FHIT: variants seen among roughly 807,000 people sequenced by gnomAD.
The protein encoded by FHIT is fragile histidine triad diadenosine triphosphatase, also known as bis(5'-adenosyl)-triphosphatase.
FHIT carries 19 observed loss-of-function variants against 17.9 expected under a neutral mutation model. The observed-to-expected ratio is 1.06, with a 90% CI of 0.74 to 1.56. The LOEUF is 1.56. Among genes scored for constraint, FHIT ranks in the 40% most tolerant of loss-of-function variants. The pLI is 0.00. For missense variants in FHIT, 248 were observed against 189.2 expected, an observed-to-expected ratio of 1.31 and a Z score of -1.82; for synonymous variants, 81 against 69.7, an observed-to-expected ratio of 1.16 and a Z score of -0.81.
chr3:60,406,380 G>C (rs1274391937), intron 5 of FHIT, among the ~76,000 whole-genome samples: 15 of 152,128 alleles, frequency 9.9e-5, no homozygotes, highest in Admixed American at 9.8e-4. Flanking sequence ...CCTCTCTTCA[G>C]ACAAAATACA....
chr3:59,984,308 GAAGT>G (rs982481440), intron 7 of FHIT, among the ~76,000 whole-genome samples: 1 of 152,018 alleles, frequency 6.6e-6, no homozygotes, highest in African/African-American at 2.4e-5. Context: ...GGGAGAAGTG[GAAGT>G]AAGACAGGGG....
At chr3:61,062,540 T>C (rs2034464035) in intron 2 of FHIT, among the ~76,000 whole-genome samples, 1 of 152,042 alleles carries the variant, frequency 6.6e-6, no homozygotes, top group Non-Finnish European at 1.5e-5. Context: ...AAGAATAGAA[T>C]AAAAAAAGAG....
chr3:60,819,214 C>T (rs1294711386), intron 4 of FHIT, among the ~76,000 whole-genome samples: 1 of 152,096 alleles, frequency 6.6e-6, no homozygotes, highest in Non-Finnish European at 1.5e-5. Flanking sequence ...TCCGTCCATT[C>T]CCTCATTTAG....
At chr3:60,969,887 C>G (rs956798374) in intron 3 of FHIT, among the ~76,000 whole-genome samples, 1 of 152,124 alleles carries the variant, frequency 6.6e-6, no homozygotes, top group African/African-American at 2.4e-5. Context: ...TGTTTTCAGA[C>G]AGGGTCTCCC....
rs140889391 is a variant in FHIT at position 60,496,972 on chromosome 3, C to CAA, written c.103+39886_103+39887dup. Among the ~76,000 whole-genome samples, 365 of 150,596 alleles carry CAA rather than the reference C, an allele frequency of 2.4e-3. 3 individuals are homozygous for CAA. The highest frequency in any genetic ancestry group is 0.02 in the Middle Eastern group (6 of 294). ...ATTAAAAACAAATAAAAACAAAAAA[C>CAA]AAAAAAAAACATGCAAACCTAAGCA... On this transcript the variant is annotated intron_variant, in intron 5 of 9. Transcript: ENST00000492590.
intron 5 of FHIT, among the ~76,000 whole-genome samples, chr3:60,127,127 C>T (rs41397044): frequency 0.28 from 43,046 of 151,946 alleles, 6,366 homozygotes; most frequent in African/African-American, 0.31. Flanking sequence ...ACAAGCGATC[C>T]CATCTAGATT....
chr3:61,074,556 G>A (rs1294795804), intron 2 of FHIT, among the ~76,000 whole-genome samples: 4 of 152,054 alleles, frequency 2.6e-5, no homozygotes, highest in East Asian at 3.9e-4. Context: ...TGACCCTACC[G>A]GCACCACACT....
intron 2 of FHIT, among the ~76,000 whole-genome samples, chr3:61,145,334 AATC>A (rs943919661): frequency 6.6e-6 from 1 of 152,116 alleles, no homozygotes; most frequent in Admixed American, 6.5e-5. Context: ...TTTAGTTAAA[AATC>A]AATTGACCAT....
At chr3:59,939,055 A>G (rs1706380236) in intron 7 of FHIT, among the ~76,000 whole-genome samples, 1 of 152,222 alleles carries the variant, frequency 6.6e-6, no homozygotes, top group South Asian at 2.1e-4. Context: ...CTGCTAAAGC[A>G]ATAACAATAA....
intron 4 of FHIT, among the ~76,000 whole-genome samples, chr3:60,569,749 A>T (rs1331736030): frequency 0.012 from 755 of 62,738 alleles, 23 homozygotes; most frequent in Middle Eastern, 0.031. Flanking sequence ...ATATATATAT[A>T]TATATATTTT....
chr3:59,864,224 A>T (rs1222516745), intron 8 of FHIT, among the ~76,000 whole-genome samples: 1 of 152,118 alleles, frequency 6.6e-6, no homozygotes, highest in African/African-American at 2.4e-5. Flanking sequence ...GAATTCCCAC[A>T]TGCTGTGGGA....
At chr3:60,900,188 G>A (rs572353008) in intron 3 of FHIT, among the ~76,000 whole-genome samples, 15 of 152,246 alleles carry the variant, frequency 9.9e-5, no homozygotes, top group Middle Eastern at 3.4e-3. Context: ...CTCCAACTTG[G>A]TCAAGAGGCA....
At chr3:60,077,991 T>A (rs971736479) in intron 5 of FHIT, among the ~76,000 whole-genome samples, 1 of 152,016 alleles carries the variant, frequency 6.6e-6, no homozygotes. Flanking sequence ...AATTTATTTT[T>A]AAAAAAATGG....
chr3:59,879,458 C>G (rs912220219), intron 8 of FHIT, among the ~76,000 whole-genome samples: 7 of 152,138 alleles, frequency 4.6e-5, no homozygotes, highest in African/African-American at 1.7e-4. Context: ...TGTGTCCTAA[C>G]AGCACTATCT....
At chr3:60,965,609 G>A (rs1416541914) in intron 3 of FHIT, among the ~76,000 whole-genome samples, 2 of 152,158 alleles carry the variant, frequency 1.3e-5, no homozygotes, top group African/African-American at 4.8e-5. Flanking sequence ...ACGTACACAT[G>A]GGGTTTTGGT....
chr3:60,907,339 G>A (rs1355348242), intron 3 of FHIT, among the ~76,000 whole-genome samples: 10 of 152,056 alleles, frequency 6.6e-5, no homozygotes, highest in African/African-American at 2.4e-4. Flanking sequence ...ACAATCACTG[G>A]GTCGGAATCT....
intron 5 of FHIT, among the ~76,000 whole-genome samples, chr3:60,315,957 T>C (rs990595400): frequency 6.6e-6 from 1 of 152,224 alleles, no homozygotes; most frequent in Admixed American, 6.5e-5. Flanking sequence ...AAAATCATGC[T>C]GCATTAAATT....
chr3:60,779,931 C>A (rs1241388704), intron 4 of FHIT, among the ~76,000 whole-genome samples: 1 of 152,202 alleles, frequency 6.6e-6, no homozygotes, highest in African/African-American at 2.4e-5. Context: ...GGAGATAGGG[C>A]ATACGTGGGT....
intron 8 of FHIT, among the ~76,000 whole-genome samples, chr3:59,880,723 C>T (rs17061320): frequency 0.09 from 13,646 of 152,252 alleles, 1,251 homozygotes; most frequent in African/African-American, 0.24. Context: ...ATCCATCAAT[C>T]AGCTGCTGTT....
Sources: gnomAD v4.1 joint callset for allele counts (sites outside exome capture counted in the v4.1 genomes callset) on GRCh38, gnomAD v4.1.1 for gene constraint, MANE v1.5 for transcripts, NCBI Gene and HGNC (gene_info 2026-07-23, HGNC 2026-07-21) for gene names.